NFATC2: variants seen among roughly 807,000 people sequenced by gnomAD.
NFATC2 encodes the protein nuclear factor of activated T-cells, cytoplasmic 2.
Under a neutral mutation model 87.3 loss-of-function variants are expected in NFATC2, and 22 were observed. That is an observed-to-expected ratio of 0.25 (90% CI 0.18 to 0.36). The LOEUF is 0.36. Among genes scored for constraint, NFATC2 ranks in the 10% least tolerant of loss-of-function variants. The pLI is 1.00. For synonymous variants in NFATC2, 565 were observed against 542.2 expected, an observed-to-expected ratio of 1.04 and a Z score of -0.58; for missense variants, 1,149 against 1,259.1, an observed-to-expected ratio of 0.91 and a Z score of 1.32.
At chr20:51,426,321 T>C (rs1055224111) in intron 9 of NFATC2, among the ~76,000 whole-genome samples, 2 of 151,650 alleles carry the variant, frequency 1.3e-5, no homozygotes, top group African/African-American at 4.8e-5. Flanking sequence ...CTACTGAAAA[T>C]ACAAAAATTA....
intron 3 of NFATC2, among the ~76,000 whole-genome samples, chr20:51,505,691 T>C (rs1425338043): frequency 1.3e-5 from 2 of 152,132 alleles, no homozygotes; most frequent in Non-Finnish European, 1.5e-5. Flanking sequence ...TGCTTGGCCT[T>C]GAGGAAGTCC....
At chr20:51,505,241 C>T (rs555700619) in intron 3 of NFATC2, among the ~76,000 whole-genome samples, 1 of 151,372 alleles carries the variant, frequency 6.6e-6, no homozygotes, top group Non-Finnish European at 1.5e-5. Flanking sequence ...TGGTCTCACT[C>T]GATCTCTTGA....
intron 10 of NFATC2, among the ~76,000 whole-genome samples, chr20:51,397,507 A>G (rs1297113327): frequency 2.6e-5 from 4 of 152,218 alleles, no homozygotes; most frequent in Admixed American, 6.5e-5. Context: ...ACACACATTA[A>G]AAAGGCATCG....
chr20:51,420,772 T>C (rs1241024273), intron 9 of NFATC2, among the ~76,000 whole-genome samples: 2 of 152,190 alleles, frequency 1.3e-5, no homozygotes, highest in Non-Finnish European at 2.9e-5. Context: ...AAACACTAGG[T>C]ATTTCATGAT....
In NFATC2 at chr20:51,398,368, T is replaced by C. The variant is rs570932142; in HGVS notation, c.*44+275A>G. 3.3e-5 allele frequency among the ~76,000 whole-genome samples: 5 copies of C among 152,180 alleles called. No individual in the cohort carries two copies. In the East Asian group the frequency reaches 9.6e-4, roughly 29 times the overall value. On this transcript the variant is annotated intron_variant, in intron 10 of 10. Coordinates refer to ENST00000371564, the MANE Select transcript of NFATC2 (RefSeq NM_012340.5). ...AAGGAGCAGGCTCCAAAGACGTTGC[T>C]GCATTTTTCCACGCAGGCCAGCCCT...
chr20:51,440,173 T>A (rs1223920598), intron 6 of NFATC2, among the ~76,000 whole-genome samples: 2 of 140,876 alleles, frequency 1.4e-5, no homozygotes, highest in East Asian at 2.1e-4. Context: ...GAGATGGAGG[T>A]TGCAGTGAGC....
At chr20:51,467,217 T>C (rs1387291173) in intron 5 of NFATC2, among the ~76,000 whole-genome samples, 1 of 151,896 alleles carries the variant, frequency 6.6e-6, no homozygotes, top group East Asian at 1.9e-4. Context: ...AAAATATGAA[T>C]AACCCAGTTA....
intron 1 of NFATC2, among the ~76,000 whole-genome samples, chr20:51,533,137 G>A (rs1280553621): frequency 6.6e-6 from 1 of 152,208 alleles, no homozygotes; most frequent in Non-Finnish European, 1.5e-5. Context: ...AGACAGAGAG[G>A]CAAACCTCGC....
At chr20:51,466,965 G>A (rs1987747038) in intron 5 of NFATC2, among the ~76,000 whole-genome samples, 3 of 150,920 alleles carry the variant, frequency 2.0e-5, no homozygotes, top group East Asian at 2.0e-4. Flanking sequence ...CCAGCTACTC[G>A]GGAGGCTGAG....
At chr20:51,455,924 A>G (rs6091323) in intron 5 of NFATC2, among the ~76,000 whole-genome samples, 45 of 3,004 alleles carry the variant, frequency 0.015, no homozygotes, top group South Asian at 0.028. Flanking sequence ...GGGTGGGTGG[A>G]TGGGTGGGTG....
chr20:51,408,256 G>A lies in NFATC2; in HGVS notation c.2723-9526C>T, dbSNP rs138312361. ...TGGCCAGGTGTGGTGGCTCACGCCT[G>A]TAATCCCAGTACTTTGGGAGGCTGA... On this transcript the variant is annotated intron_variant, in intron 9 of 10. Coordinates refer to ENST00000371564, the MANE Select transcript of NFATC2 (RefSeq NM_012340.5). Among the ~76,000 whole-genome samples, 523 of 152,324 alleles carry A rather than the reference G, an allele frequency of 3.4e-3. 11 individuals are homozygous for A. The East Asian group carries it at 0.05, about 15-fold the overall frequency.
Position 51,391,171 on chromosome 20 carries a change from C to G in NFATC2, c.*325G>C. ...TGGACGGAACACCATTAAGATCAAC[C>G]AGGATGCTCTCTGGGATTTAAAACA... On this transcript the variant is annotated 3_prime_UTR_variant, in exon 11 of 11. Coordinates refer to ENST00000371564, the MANE Select transcript of NFATC2 (RefSeq NM_012340.5). The G allele has an allele frequency of 1.5e-6, 1 of 682,580 alleles. No homozygotes were observed. The highest frequency in any genetic ancestry group is 1.5e-5 in the South Asian group (1 of 66,426). The allele number at this position is 682,580 out of a possible 1,614,324, so 42.3% of individuals were successfully genotyped here. A position where few individuals can be genotyped will look rare whatever the true frequency, so the allele number is the denominator to read the frequency against.
intron 7 of NFATC2, 141 bp from the exon 8 acceptor site, chr20:51,435,455 G>A: frequency 7.7e-7 from 1 of 1,290,382 alleles, no homozygotes; most frequent in Non-Finnish European, 1.1e-6. Context: ...TTCAATTTCA[G>A]GGGAATTTAA....
At position 51,404,527 on chromosome 20, in the gene NFATC2, T is replaced by C. The variant is rs114618726; in HGVS notation, c.2723-5797A>G. Among the ~76,000 whole-genome samples the C allele has an allele frequency of 1.5e-3, 226 of 152,344 alleles. 1 individual carries two copies. The highest frequency in any genetic ancestry group is 5.2e-3 in the African/African-American group (215 of 41,580). ...CATCTGTAATATGGGAATGCATATA[T>C]ATGGCACTATGCCAAGCTAAGAAAT... is the stretch of plus-strand genomic sequence containing the variant. On this transcript the variant is annotated intron_variant, in intron 9 of 10. Transcript: ENST00000371564.
At chr20:51,424,810 T>C (rs146697770) in intron 9 of NFATC2, among the ~76,000 whole-genome samples, 61 of 149,462 alleles carry the variant, frequency 4.1e-4, no homozygotes, top group African/African-American at 1.3e-3. Context: ...AAGGGGAAAA[T>C]AAGAATACAT....
At chr20:51,400,518 C>G (rs1038426400) in intron 9 of NFATC2, among the ~76,000 whole-genome samples, 1 of 152,136 alleles carries the variant, frequency 6.6e-6, no homozygotes, top group Non-Finnish European at 1.5e-5. Context: ...AAACCAAGCC[C>G]TGTTCTGTCA....
chr20:51,432,176 G>T lies in NFATC2; in HGVS notation c.2613C>A (p.Ser871Arg), dbSNP rs1324814456. 2.5e-6 allele frequency: 4 copies of T among 1,607,532 alleles called. No individual in the cohort carries two copies. In the Admixed American group the frequency reaches 6.7e-5, roughly 27 times the overall value. Residue 871 changes from serine (S) to arginine (R), a missense_variant, in exon 9 of 11, where the codon AGC becomes AGA. By Grantham distance (110) the Ser-to-Arg change is moderately radical (BLOSUM62 -1). Transcript: ENST00000371564. The surrounding 1 kb of genome is among the most constrained non-coding windows in gnomAD (Gnocchi z 4.6). The stretch of plus-strand genomic sequence containing the variant: ...GGGGTCCGTTTTTGGCGGCTCTTTG[G>T]CTCGTGGCATTCTGCTGCTGAATGA... ...PTVIQQQNATSQRAAKNGPPV... is the reference protein window; with the variant it reads ...PTVIQQQNATRQRAAKNGPPV...
intron 3 of NFATC2, among the ~76,000 whole-genome samples, chr20:51,484,230 C>A (rs1989516820): frequency 6.6e-6 from 1 of 152,090 alleles, no homozygotes; most frequent in Non-Finnish European, 1.5e-5. Flanking sequence ...GCTCTCCCTC[C>A]ATGACCTGCA....
intron 9 of NFATC2, among the ~76,000 whole-genome samples, chr20:51,427,799 C>T (rs1249400499): frequency 6.6e-6 from 1 of 152,192 alleles, no homozygotes; most frequent in African/African-American, 2.4e-5. Context: ...CAGGGGCCAA[C>T]CTCACCCCCA....
Sources: gnomAD v4.1 joint callset for allele counts (sites outside exome capture counted in the v4.1 genomes callset) on GRCh38, gnomAD v4.1.1 for gene constraint, Gnocchi (gnomAD v3.1) non-coding constraint, MANE v1.5 for transcripts, NCBI Gene and HGNC (gene_info 2026-07-23, HGNC 2026-07-21) for gene names.